Variants in PHLPP1 observed in about 807,000 individuals in gnomAD.
The protein encoded by PHLPP1 is PH domain leucine-rich repeat-containing protein phosphatase 1.
Under a neutral mutation model 117.2 loss-of-function variants are expected in PHLPP1, and 42 were observed. The ratio of observed to expected loss-of-function variants is 0.36; its 90% CI spans 0.28 to 0.46. The LOEUF (loss-of-function observed/expected upper bound fraction) is 0.46. Ranked by LOEUF, PHLPP1 falls within the 20% of genes least tolerant of loss-of-function variation. PHLPP1 has a pLI of 1.00. For missense variants in PHLPP1, 2,084 were observed against 2,241.9 expected (o/e 0.93, Z 1.42); for synonymous variants, 1,042 against 970.7 (o/e 1.07, Z -1.37).
intron 10 of PHLPP1, among the ~76,000 whole-genome samples, chr18:62,922,185 G>A (rs1248692842): frequency 6.6e-6 from 1 of 152,116 alleles, no homozygotes; most frequent in African/African-American, 2.4e-5. Flanking sequence ...GCCCAGGCTT[G>A]GAGTGCAGTG....
rs1052302605 is a variant in PHLPP1 at position 62,739,549 on chromosome 18, A to AAG, written c.1576+22294_1576+22295dup. Among the ~76,000 whole-genome samples the AAG allele has an allele frequency of 1.7e-4, 26 of 152,300 alleles. No homozygotes were observed. The Middle Eastern group carries it at 0.017, about 100-fold the overall frequency. ...GATGTAAGTTATATCTCAGTGGAAG[A>AAG]AGAGAAGAGGCCCTGAAGGCAGAAA... On this transcript the variant is annotated intron_variant, in intron 1 of 16. Coordinates refer to ENST00000262719, the MANE Select transcript of PHLPP1 (RefSeq NM_194449.4).
At chr18:62,943,769 A>T (rs1053248622) in intron 11 of PHLPP1, among the ~76,000 whole-genome samples, 1 of 152,220 alleles carries the variant, frequency 6.6e-6, no homozygotes, top group Non-Finnish European at 1.5e-5. Flanking sequence ...ACGTTTCAAC[A>T]TGAGATTTGG....
At chr18:62,959,948 C>T (rs977529916) in intron 13 of PHLPP1, among the ~76,000 whole-genome samples, 1 of 152,060 alleles carries the variant, frequency 6.6e-6, no homozygotes, top group South Asian at 2.1e-4. Context: ...TATGAAACCT[C>T]GGCCTAAACC....
chr18:62,761,065 A>G (rs958011678), intron 1 of PHLPP1, among the ~76,000 whole-genome samples: 1 of 151,784 alleles, frequency 6.6e-6, no homozygotes, highest in Non-Finnish European at 1.5e-5. Context: ...GGATTTTGCC[A>G]TGTTGCCCAG....
intron 1 of PHLPP1, among the ~76,000 whole-genome samples, chr18:62,723,962 AAGTTGT>A (rs1910996238): frequency 6.6e-6 from 1 of 152,068 alleles, no homozygotes; most frequent in African/African-American, 2.4e-5. Context: ...AGGGCTTTGA[AAGTTGT>A]AGTTGTTTTA....
At chr18:62,912,262 C>G (rs1469581313) in intron 8 of PHLPP1, among the ~76,000 whole-genome samples, 3 of 147,764 alleles carry the variant, frequency 2.0e-5, no homozygotes, top group African/African-American at 7.5e-5. Context: ...TGTAACTAAC[C>G]TGCACAATGT....
intron 1 of PHLPP1, among the ~76,000 whole-genome samples, chr18:62,783,218 C>CTTTTTTTTTTTTTTTTT (rs528614480): frequency 1.5e-5 from 2 of 132,146 alleles, no homozygotes; most frequent in African/African-American, 5.5e-5. Flanking sequence ...ACAAGCCTTT[C>CTTTTTTTTTTTTTTTTT]TTTTTTTTTT....
intron 1 of PHLPP1, among the ~76,000 whole-genome samples, chr18:62,725,330 C>T (rs139251013): frequency 2.0e-5 from 3 of 147,246 alleles, no homozygotes; most frequent in Non-Finnish European, 3.0e-5. Context: ...ACTGCATTCC[C>T]GTCTGGGTGG....
intron 12 of PHLPP1, among the ~76,000 whole-genome samples, chr18:62,947,763 C>T (rs1048494952): frequency 1.3e-5 from 2 of 152,198 alleles, no homozygotes; most frequent in East Asian, 1.9e-4. Context: ...CTTGGTGGCT[C>T]ACGCCTGTAA....
chr18:62,890,997 A>G (rs931509978), intron 4 of PHLPP1, among the ~76,000 whole-genome samples: 2 of 152,184 alleles, frequency 1.3e-5, no homozygotes, highest in African/African-American at 4.8e-5. Context: ...AACATTTTAT[A>G]TCAGATAGAG....
intron 3 of PHLPP1, among the ~76,000 whole-genome samples, chr18:62,841,114 C>T (rs1915038663): frequency 2.0e-5 from 3 of 152,120 alleles, no homozygotes; most frequent in Admixed American, 6.6e-5. Flanking sequence ...TTTTGAACTC[C>T]TGACCTCAAG....
chr18:62,870,214 A>T (rs1458455173), intron 4 of PHLPP1, among the ~76,000 whole-genome samples: 1 of 152,184 alleles, frequency 6.6e-6, no homozygotes, highest in Non-Finnish European at 1.5e-5. Flanking sequence ...CTCTTTCATT[A>T]CACACTACTA....
chr18:62,820,606 T>G (rs1914423367), intron 1 of PHLPP1, among the ~76,000 whole-genome samples: 1 of 152,216 alleles, frequency 6.6e-6, no homozygotes, highest in African/African-American at 2.4e-5. Context: ...CCCCCTTCGC[T>G]CAGCACTTCT....
At position 62,912,226 on chromosome 18, in the gene PHLPP1, G is replaced by A. The variant is rs1021499788; in HGVS notation, c.2709-2687G>A. Among the ~76,000 whole-genome samples the A allele has an allele frequency of 1.1e-3, 166 of 147,928 alleles. 1 individual carries two copies. Among genetic ancestry groups the A allele is most frequent in the African/African-American group, 3.7e-3 (147 of 40,164 alleles). On this transcript the variant is annotated intron_variant, in intron 8 of 16. Coordinates refer to ENST00000262719, the MANE Select transcript of PHLPP1 (RefSeq NM_194449.4). ...TAGATGACACGTTAGTGGGTGCAGC[G>A]CACTAGCATGGGACATGTATACATA...
chr18:62,757,311 CAA>C (rs2046291030), intron 1 of PHLPP1, among the ~76,000 whole-genome samples: 1 of 152,302 alleles, frequency 6.6e-6, no homozygotes, highest in South Asian at 2.1e-4. Context: ...AGATAAAACT[CAA>C]GTGTGAATTT....
intron 1 of PHLPP1, among the ~76,000 whole-genome samples, chr18:62,764,163 C>CAAAAAAAAA (rs34939800): frequency 2.5e-5 from 2 of 79,214 alleles, no homozygotes; most frequent in African/African-American, 5.2e-5. Context: ...AACTCCATCT[C>CAAAAAAAAA]AAAAAAAAAA....
chr18:62,869,800 G>C (rs1009182630), intron 4 of PHLPP1, among the ~76,000 whole-genome samples: 5 of 152,202 alleles, frequency 3.3e-5, no homozygotes, highest in African/African-American at 1.2e-4. Flanking sequence ...GGGAAGATAG[G>C]CCTAGGGGAC....
At chr18:62,961,502 C>G (rs1246211665) in intron 13 of PHLPP1, among the ~76,000 whole-genome samples, 1 of 151,790 alleles carries the variant, frequency 6.6e-6, no homozygotes, top group Non-Finnish European at 1.5e-5. Flanking sequence ...TCTCTGAAGA[C>G]TTTGTGTTCT....
At chr18:62,724,339 T>C (rs529502712) in intron 1 of PHLPP1, among the ~76,000 whole-genome samples, 2 of 152,370 alleles carry the variant, frequency 1.3e-5, no homozygotes, top group East Asian at 1.9e-4. Flanking sequence ...GCTTTATTTA[T>C]GGTGAGCTGT....
Sources: gnomAD v4.1 joint callset for allele counts (sites outside exome capture counted in the v4.1 genomes callset) on GRCh38, gnomAD v4.1.1 for gene constraint, MANE v1.5 for transcripts, NCBI Gene and HGNC (gene_info 2026-07-23, HGNC 2026-07-21) for gene names.